Variants in TNNI3K observed in about 807,000 individuals in gnomAD.
TNNI3K encodes the protein serine/threonine-protein kinase TNNI3K.
A neutral mutation model predicts 114.5 loss-of-function variants in TNNI3K; 140 were observed. The ratio of observed to expected loss-of-function variants is 1.22; its 90% confidence interval spans 1.07 to 1.41. The LOEUF (loss-of-function observed/expected upper bound fraction) is 1.41, where lower values mean the gene tolerates loss of function less well. Ranked by LOEUF, TNNI3K falls within the 40% of genes most tolerant of loss-of-function variation. TNNI3K has a pLI of 0.00. For missense variants in TNNI3K, 1,125 were observed against 1,007.6 expected (o/e 1.12, Z -1.58); for synonymous variants, 347 against 347.5 (o/e 1.00, Z 0.02).
At chr1:74,254,376 G>T (rs1256674919) in intron 4 of TNNI3K, among the ~76,000 whole-genome samples, 3 of 152,122 alleles carry the variant, frequency 2.0e-5, no homozygotes, top group African/African-American at 7.2e-5. Context: ...GTCATTTATA[G>T]ATTATATTTT....
chr1:74,312,766 T>C (rs993182295), intron 5 of TNNI3K, among the ~76,000 whole-genome samples: 1 of 152,238 alleles, frequency 6.6e-6, no homozygotes, highest in East Asian at 1.9e-4. Context: ...TGACATCTCT[T>C]CTTTTCACTA....
intron 17 of TNNI3K, among the ~76,000 whole-genome samples, chr1:74,428,854 G>A (rs1665759305): frequency 6.6e-6 from 1 of 152,082 alleles, no homozygotes; most frequent in Non-Finnish European, 1.5e-5. Context: ...AGGATTGCTT[G>A]AGCCCAGGAG....
chr1:74,242,932 C>T (rs992126761), intron 2 of TNNI3K, among the ~76,000 whole-genome samples: 20 of 151,970 alleles, frequency 1.3e-4, no homozygotes, highest in Non-Finnish European at 1.6e-4. Flanking sequence ...ATTTTCTCTC[C>T]CCCTTACCCT....
chr1:74,509,945 G>T (rs1442128106), intron 23 of TNNI3K, among the ~76,000 whole-genome samples: 2 of 151,404 alleles, frequency 1.3e-5, no homozygotes, highest in Admixed American at 6.6e-5. Flanking sequence ...GTAGAGACAG[G>T]GTTTCACCAA....
chr1:74,535,918 T>C (rs1251822868), intron 23 of TNNI3K, among the ~76,000 whole-genome samples: 1 of 152,170 alleles, frequency 6.6e-6, no homozygotes, highest in East Asian at 1.9e-4. Context: ...AGCTGTATGT[T>C]CTAGCCTATT....
intron 5 of TNNI3K, among the ~76,000 whole-genome samples, chr1:74,327,659 A>G (rs1227145507): frequency 1.2e-5 from 1 of 83,112 alleles, no homozygotes; most frequent in Non-Finnish European, 3.3e-5. Context: ...ATATATCAGT[A>G]CTATTATTAT....
chr1:74,274,424 A>AC (rs1250225308), intron 5 of TNNI3K, among the ~76,000 whole-genome samples: 2 of 151,916 alleles, frequency 1.3e-5, no homozygotes, highest in African/African-American at 4.8e-5. Context: ...GTAAATAGTC[A>AC]CTGTCAATAT....
chr1:74,481,190 G>C (rs1308927229), intron 21 of TNNI3K, among the ~76,000 whole-genome samples: 1 of 152,108 alleles, frequency 6.6e-6, no homozygotes, highest in Non-Finnish European at 1.5e-5. Context: ...GCTGTGACAT[G>C]TTTGTTTGAG....
chr1:74,315,676 C>T (rs1004395052), intron 5 of TNNI3K, among the ~76,000 whole-genome samples: 3 of 151,858 alleles, frequency 2.0e-5, no homozygotes, highest in African/African-American at 7.2e-5. Context: ...GTCTTATTTC[C>T]CAAAAGACAG....
At chr1:74,372,645 A>G (rs901297560) in intron 17 of TNNI3K, 3 of 151,878 alleles carry the variant, frequency 2.0e-5, no homozygotes, top group Non-Finnish European at 4.4e-5. Context: ...TTTTAAGAGT[A>G]TTATCTTTCC....
At chr1:74,341,788 G>A (rs1660759138) in intron 7 of TNNI3K, 1 of 152,098 alleles carries the variant, frequency 6.6e-6, no homozygotes, top group Non-Finnish European at 1.5e-5. Context: ...ATAAACTGTT[G>A]TGCTTCTGAT....
At chr1:74,296,098 A>C (rs1477298459) in intron 5 of TNNI3K, among the ~76,000 whole-genome samples, 1 of 152,052 alleles carries the variant, frequency 6.6e-6, no homozygotes, top group African/African-American at 2.4e-5. Flanking sequence ...ACACTGTTGA[A>C]ACCCCGGCAC....
chr1:74,297,802 A>G (rs1409396482), intron 5 of TNNI3K, among the ~76,000 whole-genome samples: 1 of 152,090 alleles, frequency 6.6e-6, no homozygotes, highest in South Asian at 2.1e-4. Flanking sequence ...GCCTTTTATG[A>G]CCTAGCCTTG....
chr1:74,296,581 C>A (rs1033130551), intron 5 of TNNI3K, among the ~76,000 whole-genome samples: 1 of 151,992 alleles, frequency 6.6e-6, no homozygotes, highest in African/African-American at 2.4e-5. Flanking sequence ...TTTCCTTTAA[C>A]ATGTTCTTGA....
rs940803955 is a variant in TNNI3K, at chr1:74,533,868, G to T, written c.2352-6366G>T. ...ATAGGTGGGAATTGAACAATGAGAA[G>T]ACATGTGCTATTATTAAATGGAGTG... On this transcript the variant is annotated intron_variant, in intron 23 of 24. Coordinates refer to ENST00000326637, the MANE Select transcript of TNNI3K (RefSeq NM_015978.3). 2.6e-5 allele frequency among the ~76,000 whole-genome samples: 4 copies of T among 152,186 alleles called. No homozygotes were observed. In the South Asian group the frequency reaches 8.3e-4, roughly 32 times the overall value.
At chr1:74,534,360 T>C (rs1023849353) in intron 23 of TNNI3K, among the ~76,000 whole-genome samples, 2 of 152,196 alleles carry the variant, frequency 1.3e-5, no homozygotes, top group African/African-American at 4.8e-5. Flanking sequence ...CCATCTGAAG[T>C]CTTCTTTGGA....
At chr1:74,355,873 G>A (rs1158122721) in intron 11 of TNNI3K, among the ~76,000 whole-genome samples, 1 of 152,032 alleles carries the variant, frequency 6.6e-6, no homozygotes, top group Admixed American at 6.6e-5. Flanking sequence ...ATTTTGGTGG[G>A]CTTATTTTGC....
chr1:74,538,504 G>C (rs544290404), intron 23 of TNNI3K, among the ~76,000 whole-genome samples: 152 of 152,258 alleles, frequency 1.0e-3, no homozygotes, highest in Middle Eastern at 3.4e-3. Context: ...CCCTCATTGT[G>C]TGGAAAGAAT....
intron 11 of TNNI3K, among the ~76,000 whole-genome samples, chr1:74,360,023 C>T (rs1661872748): frequency 6.6e-6 from 1 of 151,926 alleles, no homozygotes; most frequent in Admixed American, 6.6e-5. Context: ...CTCCTCCCAC[C>T]ACACATCCTA....
Sources: gnomAD v4.1 joint callset for allele counts (sites outside exome capture counted in the v4.1 genomes callset) on GRCh38, gnomAD v4.1.1 for gene constraint, MANE v1.5 for transcripts, NCBI Gene and HGNC (gene_info 2026-07-23, HGNC 2026-07-21) for gene names.